The following RARB variants were observed in gnomAD, a reference collection of about 807,000 sequenced individuals.
The protein encoded by RARB is HBV-activated protein.
RARB carries 17 observed loss-of-function variants against 51.9 expected under a neutral mutation model. The ratio of observed to expected loss-of-function variants is 0.33; its 90% CI spans 0.22 to 0.49. RARB has a LOEUF of 0.49. RARB is among the 20% of genes least tolerant of loss of function. The pLI is 0.99. For missense variants in RARB, 369 were observed against 550.8 expected (o/e 0.67, Z 3.30); for synonymous variants, 215 against 195.4 (o/e 1.10, Z -0.84).
At chr3:25,154,091 T>C (rs372678221) in intron 4 of RARB, among the ~76,000 whole-genome samples, 2 of 152,254 alleles carry the variant, frequency 1.3e-5, no homozygotes, top group South Asian at 2.1e-4. Flanking sequence ...TCTATGATTA[T>C]GTGGATTTTT....
At chr3:25,002,443 C>G (rs1697182121) in intron 2 of RARB, among the ~76,000 whole-genome samples, 1 of 152,144 alleles carries the variant, frequency 6.6e-6, no homozygotes, top group Non-Finnish European at 1.5e-5. Flanking sequence ...AGTCATACAG[C>G]CAACACACTG....
At chr3:25,434,973 C>T (rs946553284) in intron 1 of RARB, among the ~76,000 whole-genome samples, 1 of 152,196 alleles carries the variant, frequency 6.6e-6, no homozygotes, top group Non-Finnish European at 1.5e-5. Context: ...TCTTCCCTTT[C>T]TCTTAAACCC....
At chr3:24,942,329 T>A (rs1695684129) in intron 2 of RARB, among the ~76,000 whole-genome samples, 1 of 152,188 alleles carries the variant, frequency 6.6e-6, no homozygotes, top group Non-Finnish European at 1.5e-5. Flanking sequence ...AAAGCAATAA[T>A]TATAAAAGTA....
At chr3:24,912,972 A>ATCCTTATTTTTTTTT (rs1695021504) in intron 2 of RARB, among the ~76,000 whole-genome samples, 1 of 57,636 alleles carries the variant, frequency 1.7e-5, no homozygotes, top group Non-Finnish European at 3.6e-5. Flanking sequence ...CAAGGTACTG[A>ATCCTTATTTTTTTTT]TTCTTTTTTT....
intron 3 of RARB, among the ~76,000 whole-genome samples, chr3:25,074,456 C>T (rs1289390326): frequency 6.6e-6 from 1 of 152,190 alleles, no homozygotes; most frequent in Non-Finnish European, 1.5e-5. Flanking sequence ...TCTCTGTTCA[C>T]ACTGTTACTT....
intron 5 of RARB, among the ~76,000 whole-genome samples, chr3:25,260,516 G>A (rs1306718024): frequency 6.6e-6 from 1 of 152,062 alleles, no homozygotes; most frequent in East Asian, 1.9e-4. Context: ...GACCCACTGA[G>A]TTCTTAATCA....
chr3:25,318,542 G>A (rs1370005651), intron 5 of RARB, among the ~76,000 whole-genome samples: 3 of 152,220 alleles, frequency 2.0e-5, no homozygotes, highest in African/African-American at 7.2e-5. Context: ...ATAATATTCT[G>A]CCCCTTCAGC....
intron 5 of RARB, among the ~76,000 whole-genome samples, chr3:25,233,115 A>G (rs540687803): frequency 6.6e-6 from 1 of 151,566 alleles, no homozygotes; most frequent in East Asian, 2.0e-4. Flanking sequence ...AGCTGGAACT[A>G]CAGGCACGTG....
At chr3:24,839,743 C>T (rs1465157126) in intron 1 of RARB, among the ~76,000 whole-genome samples, 3 of 138,404 alleles carry the variant, frequency 2.2e-5, no homozygotes, top group Non-Finnish European at 4.7e-5. Context: ...GGGGAAGAAA[C>T]AGTTTGGGTA....
intron 3 of RARB, among the ~76,000 whole-genome samples, chr3:25,553,540 T>C (rs1162346734): frequency 6.6e-6 from 1 of 152,172 alleles, no homozygotes; most frequent in Non-Finnish European, 1.5e-5. Context: ...CTCTTTCACA[T>C]CACCAAAAAA....
chr3:24,875,367 TG>T (rs889559456), intron 2 of RARB, among the ~76,000 whole-genome samples: 3 of 152,296 alleles, frequency 2.0e-5, no homozygotes, highest in African/African-American at 4.8e-5. Context: ...TTTAGCATTC[TG>T]GCTCCGGACT....
intron 1 of RARB, among the ~76,000 whole-genome samples, chr3:25,455,374 G>T (rs2125547317): frequency 6.6e-6 from 1 of 152,306 alleles, no homozygotes; most frequent in East Asian, 1.9e-4. Context: ...TGAAAAGCAC[G>T]AATTTAAAGC....
chr3:24,954,147 T>C (rs779059504), intron 2 of RARB, among the ~76,000 whole-genome samples: 10 of 152,206 alleles, frequency 6.6e-5, no homozygotes, highest in Non-Finnish European at 1.0e-4. Context: ...CTGGGAATTA[T>C]AGAAATTCTA....
intron 5 of RARB, among the ~76,000 whole-genome samples, chr3:25,265,742 G>C (rs564383072): frequency 6.6e-6 from 1 of 152,246 alleles, no homozygotes; most frequent in African/African-American, 2.4e-5. Context: ...AAAGTGCTAG[G>C]GTTACAGCCG....
At chr3:25,359,994 C>T (rs1028637707) in intron 5 of RARB, among the ~76,000 whole-genome samples, 3 of 152,188 alleles carry the variant, frequency 2.0e-5, no homozygotes, top group African/African-American at 7.2e-5. Context: ...ACTAGGTTTG[C>T]TAGCTCCAGA....
At chr3:25,194,988 T>G (rs1701196515) in intron 5 of RARB, among the ~76,000 whole-genome samples, 1 of 152,000 alleles carries the variant, frequency 6.6e-6, no homozygotes, top group South Asian at 2.1e-4. Flanking sequence ...CTTGCTTTCT[T>G]ATACCTCCAA....
chr3:25,514,733 A>G (rs779532169), intron 3 of RARB, among the ~76,000 whole-genome samples: 3 of 152,350 alleles, frequency 2.0e-5, no homozygotes, highest in East Asian at 1.9e-4. Flanking sequence ...AAATGGACCC[A>G]TTTAGGAGCC....
chr3:25,163,505 ATAT>A (rs1330977998), intron 4 of RARB, among the ~76,000 whole-genome samples: 5 of 11,280 alleles, frequency 4.4e-4, no homozygotes, highest in African/African-American at 1.8e-3. Flanking sequence ...CTATCTCAAA[ATAT>A]ATATATATAT....
chr3:25,305,683 C>T (rs1242430032), intron 5 of RARB, among the ~76,000 whole-genome samples: 2 of 152,126 alleles, frequency 1.3e-5, no homozygotes, highest in Admixed American at 6.5e-5. Context: ...ATGGTGTCCA[C>T]GACACTCCTA....
Sources: allele counts gnomAD v4.1 joint callset (sites outside exome capture counted in the v4.1 genomes callset), GRCh38; gene constraint gnomAD v4.1.1; transcripts MANE v1.5; gene names NCBI Gene and HGNC (gene_info 2026-07-23, HGNC 2026-07-21).